CAPZB: variants seen among roughly 807,000 people sequenced by gnomAD.
CAPZB encodes F-actin-capping protein subunit beta.
CAPZB carries 2 observed loss-of-function variants against 38.1 expected under a neutral mutation model. The observed-to-expected ratio is 0.05, with a 90% confidence interval of 0.02 to 0.17. The LOEUF is 0.17. Among genes scored for constraint, CAPZB ranks in the 10% least tolerant of loss-of-function variants. The pLI, the probability that CAPZB is intolerant of heterozygous loss-of-function variation, is 1.00. For missense variants in CAPZB, 161 were observed against 334.2 expected (o/e 0.48, Z 4.04); for synonymous variants, 107 against 127.4 (o/e 0.84, Z 1.08).
Position 19,385,674 on chromosome 1 carries a change from C to T in CAPZB, c.94-48G>A, listed in dbSNP as rs189967158. 18 of 1,613,664 alleles carry T rather than the reference C, an allele frequency of 1.1e-5. No individual in the cohort carries two copies. The Admixed American group carries it at 2.3e-4, about 21-fold the overall frequency. ...TCGAAACAGAGGTTAAAACAGCACA[C>T]CAAACTCAGGTGGCTAACAATACTG... On this transcript the variant is annotated intron_variant, in intron 2 of 8. Coordinates refer to ENST00000264202, the MANE Select transcript of CAPZB (RefSeq NM_004930.5).
At chr1:19,398,211 T>C (rs566958717) in intron 2 of CAPZB, among the ~76,000 whole-genome samples, 1 of 135,910 alleles carries the variant, frequency 7.4e-6, no homozygotes, top group East Asian at 2.2e-4. Flanking sequence ...CACACGGAGG[T>C]GAGCCACAGT....
At chr1:19,358,681 G>A (rs1199093949) in intron 4 of CAPZB, among the ~76,000 whole-genome samples, 1 of 152,188 alleles carries the variant, frequency 6.6e-6, no homozygotes, top group Non-Finnish European at 1.5e-5. Flanking sequence ...CATTTCTTGT[G>A]GCGAAAGTCT....
At chr1:19,468,815 T>C (rs550323768) in intron 1 of CAPZB, among the ~76,000 whole-genome samples, 1 of 152,200 alleles carries the variant, frequency 6.6e-6, no homozygotes, top group Non-Finnish European at 1.5e-5. Context: ...CTGCCATGTC[T>C]CTGGGCCCAC....
intron 2 of CAPZB, among the ~76,000 whole-genome samples, chr1:19,403,261 G>A (rs1164531648): frequency 1.3e-5 from 2 of 152,174 alleles, no homozygotes; most frequent in Non-Finnish European, 2.9e-5. Context: ...GGATACAAAG[G>A]TGAACAAAAG....
intron 4 of CAPZB, among the ~76,000 whole-genome samples, chr1:19,362,628 C>T (rs1020641699): frequency 6.6e-6 from 1 of 151,496 alleles, no homozygotes. Flanking sequence ...CCCAGGAGTT[C>T]GAGGCCAGCC....
At chr1:19,446,623 G>A (rs559099858) in intron 1 of CAPZB, among the ~76,000 whole-genome samples, 6 of 103,486 alleles carry the variant, frequency 5.8e-5, no homozygotes, top group East Asian at 6.5e-4. Flanking sequence ...ACTGCTCCAC[G>A]GCAAAAAAAA....
At chr1:19,401,890 T>C (rs1205231921) in intron 2 of CAPZB, among the ~76,000 whole-genome samples, 4 of 152,142 alleles carry the variant, frequency 2.6e-5, no homozygotes, top group South Asian at 2.1e-4. Flanking sequence ...GTGGGAGCAG[T>C]GGTTTTCCCC....
In CAPZB at chr1:19,345,241, A is replaced by G; in HGVS notation, c.600T>C (p.Asp200=). The change falls in exon 7 of 9, where the codon GAT becomes GAC. Residue 200 remains aspartate, a synonymous_variant. Coordinates refer to ENST00000264202, the MANE Select transcript of CAPZB (RefSeq NM_004930.5). The part of the protein sequence containing the change: ...GGSLTRQMEK[D]ETVSDCSPHI... ...GTGGGGAGCAGTCACTCACAGTTTC[A>G]TCCTTCTCCATCTGCAAAAGACAGA... The G allele has an allele frequency of 1.2e-6, 2 of 1,613,414 alleles. No homozygotes were observed. Among genetic ancestry groups the G allele is most frequent in the Non-Finnish European group, 1.7e-6 (2 of 1,179,536 alleles).
At chr1:19,358,029 G>A (rs1341519543) in intron 4 of CAPZB, among the ~76,000 whole-genome samples, 2 of 152,178 alleles carry the variant, frequency 1.3e-5, no homozygotes, top group African/African-American at 4.8e-5. Context: ...GGCAGACCAG[G>A]GCTCCAGTTG....
At chr1:19,450,591 G>C (rs757318689) in intron 1 of CAPZB, among the ~76,000 whole-genome samples, 2 of 152,186 alleles carry the variant, frequency 1.3e-5, no homozygotes, top group African/African-American at 2.4e-5. Flanking sequence ...GGTAGGGAGA[G>C]GTTAAGGAGC....
chr1:19,462,684 G>T (rs1162169762), intron 1 of CAPZB, among the ~76,000 whole-genome samples: 1 of 152,166 alleles, frequency 6.6e-6, no homozygotes, highest in Non-Finnish European at 1.5e-5. Flanking sequence ...CTTCAAAACA[G>T]TTAAAAACAG....
At chr1:19,403,060 C>CAA (rs11428668) in intron 2 of CAPZB, among the ~76,000 whole-genome samples, 5 of 150,702 alleles carry the variant, frequency 3.3e-5, no homozygotes, top group Admixed American at 2.0e-4. Context: ...TAAAACAAAA[C>CAA]AAAAAAAAAG....
At chr1:19,359,525 C>G (rs535733362) in intron 4 of CAPZB, among the ~76,000 whole-genome samples, 128 of 152,346 alleles carry the variant, frequency 8.4e-4, no homozygotes, top group Middle Eastern at 3.4e-3. Context: ...CCATTCCCCT[C>G]TCCGGCACTA....
intron 2 of CAPZB, among the ~76,000 whole-genome samples, chr1:19,408,016 C>T (rs2100416034): frequency 6.6e-6 from 1 of 152,306 alleles, no homozygotes; most frequent in Non-Finnish European, 1.5e-5. Flanking sequence ...ATTCAGGGAT[C>T]CTTACCTTGA....
rs1210254702 is a variant in CAPZB, at chr1:19,484,615, T to C, written c.3+821A>G. The C allele has an allele frequency of 5.1e-6, 6 of 1,181,556 alleles. No individual in the cohort carries two copies. The South Asian group carries it at 8.4e-5, about 17-fold the overall frequency. The allele number at this position is 1,181,556 out of a possible 1,614,324, so 73.2% of individuals were successfully genotyped here. A position where few individuals can be genotyped will look rare whatever the true frequency, so the allele number is the denominator to read the frequency against. ...GACCACCCCATCCCTGATGGAGAGC[T>C]CCCCTCGCTCCCCAAAGGCTGCAAA... On this transcript the variant is annotated intron_variant, in intron 1 of 8. Transcript: ENST00000264202.
intron 1 of CAPZB, chr1:19,484,114 C>G: frequency 6.7e-7 from 1 of 1,498,478 alleles, no homozygotes; most frequent in Non-Finnish European, 9.1e-7. Flanking sequence ...CCTCAAAAGT[C>G]TGGATAGCAT....
At chr1:19,480,503 T>C (rs997142856) in intron 1 of CAPZB, among the ~76,000 whole-genome samples, 2 of 152,182 alleles carry the variant, frequency 1.3e-5, no homozygotes, top group Non-Finnish European at 1.5e-5. Context: ...TCAGTGTTTA[T>C]GTAGCTGGCG....
chr1:19,419,720 G>A lies in CAPZB; in HGVS notation c.34C>T (p.Leu12=). The A allele has an allele frequency of 2.5e-6, 4 of 1,593,036 alleles. No individual in the cohort carries two copies. The highest frequency in any genetic ancestry group is 3.4e-6 in the Non-Finnish European group (4 of 1,168,140). ...TGCTGGGGAGGCAGGCGCCTCATTA[G>A]GTCCAAGGCACAGTCCAGCTGCTGA... The part of the protein sequence containing the change: ...SDQQLDCALD[L]MRRLPPQQIE... The change falls in exon 2 of 9, where the codon CTA becomes TTA. Residue 12 remains leucine, a synonymous_variant. Transcript: ENST00000264202.
At chr1:19,461,981 T>C (rs375230073) in intron 1 of CAPZB, among the ~76,000 whole-genome samples, 2 of 152,174 alleles carry the variant, frequency 1.3e-5, no homozygotes, top group African/African-American at 2.4e-5. Flanking sequence ...ACTGATTCTA[T>C]TAATGATACA....
Sources: allele counts gnomAD v4.1 joint callset (sites outside exome capture counted in the v4.1 genomes callset), GRCh38; gene constraint gnomAD v4.1.1; transcripts MANE v1.5; gene names NCBI Gene and HGNC (gene_info 2026-07-23, HGNC 2026-07-21).